Variants in SAMD3 observed in about 807,000 individuals in gnomAD.
SAMD3 encodes sterile alpha motif domain containing 3.
Under a neutral mutation model 58.5 loss-of-function variants are expected in SAMD3, and 63 were observed. That is an observed-to-expected ratio of 1.08 (90% confidence interval 0.88 to 1.33). The LOEUF (loss-of-function observed/expected upper bound fraction) is 1.33, where lower values mean the gene tolerates loss of function less well. SAMD3 is among the 40% of genes most tolerant of loss of function. SAMD3 has a pLI of 0.00. For synonymous variants in SAMD3, 220 were observed against 210.3 expected, an observed-to-expected ratio of 1.05 and a Z score of -0.40; for missense variants, 604 against 608.4, an observed-to-expected ratio of 0.99 and a Z score of 0.08.
intron 2 of SAMD3, among the ~76,000 whole-genome samples, chr6:130,275,294 C>A (rs1774736046): frequency 6.6e-6 from 1 of 152,124 alleles, no homozygotes; most frequent in Admixed American, 6.6e-5. Flanking sequence ...CAGCCTGGGT[C>A]CCATTATCAG....
At chr6:130,210,904 C>T (rs547451240) in intron 4 of SAMD3, among the ~76,000 whole-genome samples, 15 of 151,996 alleles carry the variant, frequency 9.9e-5, no homozygotes, top group Admixed American at 5.2e-4. Context: ...GTGGATCACG[C>T]GGTCAGGAGA....
In SAMD3 at chr6:130,145,358, A is replaced by T. The variant is rs755751457; in HGVS notation, c.1260T>A (p.Phe420Leu). Residue 420 changes from phenylalanine (F) to leucine (L), a missense_variant, in exon 11 of 12, where the codon TTT (phenylalanine) becomes TTA (leucine). Physicochemically the swap from Phe to Leu is conservative, Grantham distance 22 (BLOSUM62 0). Transcript: ENST00000439090. The part of the protein sequence containing the change: ...PDVFGDDPSL[F>L]VIMNEQVQVS... ...TACATACCTGTTCATTCATGATGAC[A>T]AAAAGGCTGGGATCATCCCCAAAAA... The T allele has an allele frequency of 6.2e-7, 1 of 1,609,012 alleles. No individual in the cohort carries two copies. The highest frequency in any genetic ancestry group is 8.5e-7 in the Non-Finnish European group (1 of 1,176,350).
intron 1 of SAMD3, among the ~76,000 whole-genome samples, chr6:130,364,079 A>G (rs917455400): frequency 6.6e-6 from 1 of 152,098 alleles, no homozygotes; most frequent in African/African-American, 2.4e-5. Context: ...TTTACAGGCC[A>G]TTTTACCCGC....
At chr6:130,168,778 C>T (rs34067363) in intron 8 of SAMD3, among the ~76,000 whole-genome samples, 5,725 of 152,242 alleles carry the variant, frequency 0.038, 156 homozygotes, top group Non-Finnish European at 0.06. Flanking sequence ...GTGTCTTAAA[C>T]ATTTTTAATG....
At chr6:130,229,049 G>A (rs189581469) in intron 2 of SAMD3, among the ~76,000 whole-genome samples, 1 of 152,212 alleles carries the variant, frequency 6.6e-6, no homozygotes, top group Non-Finnish European at 1.5e-5. Flanking sequence ...ACTGGAGAGA[G>A]AGTCCTCTGA....
chr6:130,199,006 T>A (rs908766342), intron 5 of SAMD3, among the ~76,000 whole-genome samples: 2 of 152,162 alleles, frequency 1.3e-5, no homozygotes, highest in East Asian at 3.9e-4. Flanking sequence ...TTGGAGACAA[T>A]CTCCTACTTT....
chr6:130,318,188 G>C (rs1455517985), intron 1 of SAMD3, among the ~76,000 whole-genome samples: 1 of 152,040 alleles, frequency 6.6e-6, no homozygotes, highest in African/African-American at 2.4e-5. Flanking sequence ...AATTCAGTGG[G>C]CATTTGAGTA....
At chr6:130,182,732 A>G (rs995946509) in intron 7 of SAMD3, among the ~76,000 whole-genome samples, 4 of 152,172 alleles carry the variant, frequency 2.6e-5, no homozygotes, top group Non-Finnish European at 5.9e-5. Flanking sequence ...TTCATAGATA[A>G]TTGGCATTTA....
At chr6:130,364,908 C>A (rs1250252767) in intron 1 of SAMD3, among the ~76,000 whole-genome samples, 2 of 109,486 alleles carry the variant, frequency 1.8e-5, no homozygotes, top group African/African-American at 7.2e-5. Context: ...GGATTTTATA[C>A]CCCCCCAGAA....
intron 4 of SAMD3, among the ~76,000 whole-genome samples, chr6:130,210,622 T>C (rs1795459538): frequency 6.8e-6 from 1 of 147,606 alleles, no homozygotes. Flanking sequence ...AGGTCAGGTA[T>C]AAACCAAAAA....
chr6:130,212,803 C>T (rs145122302), intron 4 of SAMD3, among the ~76,000 whole-genome samples: 1 of 152,200 alleles, frequency 6.6e-6, no homozygotes, highest in Non-Finnish European at 1.5e-5. Context: ...AAGGGAACTT[C>T]CAGCTCAAAT....
chr6:130,225,710 G>C (rs1316264365), upstream of SAMD3, among the ~76,000 whole-genome samples: 1 of 152,230 alleles, frequency 6.6e-6, no homozygotes, highest in African/African-American at 2.4e-5. Context: ...GGTGAGAGTA[G>C]TTGGAAGAAG....
chr6:130,194,595 C>T (rs1793902067), intron 5 of SAMD3, among the ~76,000 whole-genome samples: 1 of 152,222 alleles, frequency 6.6e-6, no homozygotes, highest in South Asian at 2.1e-4. Context: ...TCCAGAACCT[C>T]CTCTCCCAGG....
intron 1 of SAMD3, among the ~76,000 whole-genome samples, chr6:130,318,210 A>T (rs1476882881): frequency 6.6e-6 from 1 of 152,190 alleles, no homozygotes; most frequent in Non-Finnish European, 1.5e-5. Flanking sequence ...AGTACTCAGA[A>T]GAATTTTGCC....
At chr6:130,148,832 C>T (rs924817827) in intron 9 of SAMD3, among the ~76,000 whole-genome samples, 2 of 137,078 alleles carry the variant, frequency 1.5e-5, no homozygotes, top group Non-Finnish European at 3.1e-5. Flanking sequence ...ATGATCATGA[C>T]ACTCCAGCCT....
chr6:130,154,161 A>G (rs1049893144), intron 9 of SAMD3, among the ~76,000 whole-genome samples: 3 of 152,002 alleles, frequency 2.0e-5, no homozygotes, highest in Admixed American at 6.6e-5. Flanking sequence ...ACCCTCCACA[A>G]TATGTCCAAT....
intron 2 of SAMD3, among the ~76,000 whole-genome samples, chr6:130,238,132 A>G (rs750811254): frequency 6.6e-6 from 1 of 152,204 alleles, no homozygotes; most frequent in African/African-American, 2.4e-5. Flanking sequence ...AGTCATACAC[A>G]TTTATAAAAA....
intron 2 of SAMD3, among the ~76,000 whole-genome samples, chr6:130,237,727 G>GT (rs1362162140): frequency 2.6e-5 from 4 of 152,074 alleles, no homozygotes; most frequent in South Asian, 4.1e-4. Context: ...CAAACTACTC[G>GT]TAAGTGTCTT....
rs144636896 is a variant in SAMD3 at position 130,364,733 on chromosome 6, T to A, written c.-304+387A>T. Among the ~76,000 whole-genome samples, 1,079 of 152,192 alleles carry A rather than the reference T, an allele frequency of 7.1e-3. 11 individuals are homozygous for A. The highest frequency in any genetic ancestry group is 0.017 in the Middle Eastern group (5 of 294). On this transcript the variant is annotated intron_variant, in intron 1 of 13. Coordinates refer to the SAMD3 transcript ENST00000368134. ...TTTATAAAACATTTTGATTGTGACA[T>A]CTCCACTAAAAGTGCCCAATCTCTA...
Sources: gnomAD v4.1 joint callset for allele counts (sites outside exome capture counted in the v4.1 genomes callset) on GRCh38, gnomAD v4.1.1 for gene constraint, MANE v1.5 for transcripts, NCBI Gene and HGNC (gene_info 2026-07-23, HGNC 2026-07-21) for gene names.